FGF14: variants seen among roughly 807,000 people sequenced by gnomAD.
FGF14 encodes fibroblast growth factor 14.
FGF14 carries 5 observed loss-of-function variants against 25.5 expected under a neutral mutation model. The observed-to-expected ratio is 0.20, with a 90% CI of 0.10 to 0.41. The LOEUF is 0.41. Among genes scored for constraint, FGF14 ranks in the 10% least tolerant of loss-of-function variants. The pLI, the probability that FGF14 is intolerant of heterozygous loss-of-function variation, is 1.00. For synonymous variants in FGF14, 138 were observed against 118.3 expected (o/e 1.17, Z -1.08); for missense variants, 222 against 320.1 (o/e 0.69, Z 2.34).
rs75694572 is a variant in FGF14 at position 102,084,544 on chromosome 13, C to T, written c.209-209248G>A. Among the ~76,000 whole-genome samples the T allele has an allele frequency of 1.3e-4, 20 of 152,152 alleles. No homozygotes were observed. The East Asian group carries it at 1.7e-3, about 13-fold the overall frequency. ...GTGAACTACTCATTAAAATGATTAGCGTTATCTGCTAATCATTTCAGGACA... is the reference window on the plus strand; with the variant it reads ...GTGAACTACTCATTAAAATGATTAGTGTTATCTGCTAATCATTTCAGGACA... On this transcript the variant is annotated intron_variant, in intron 1 of 4. Coordinates refer to the FGF14 transcript ENST00000376131.
intron 1 of FGF14, among the ~76,000 whole-genome samples, chr13:102,025,919 T>G (rs1403528071): frequency 1.3e-5 from 2 of 152,056 alleles, no homozygotes. Flanking sequence ...TGAATTCTTT[T>G]GCATTATCTA....
chr13:102,001,608 T>A (rs771228072), intron 1 of FGF14, among the ~76,000 whole-genome samples: 14 of 152,282 alleles, frequency 9.2e-5, no homozygotes, highest in Admixed American at 1.3e-4. Context: ...GGAATATAGA[T>A]AAAGAGATAT....
At chr13:102,292,006 C>T (rs551208285) in intron 1 of FGF14, among the ~76,000 whole-genome samples, 1 of 152,152 alleles carries the variant, frequency 6.6e-6, no homozygotes, top group African/African-American at 2.4e-5. Context: ...AATGCTGACT[C>T]CACAGTTATC....
chr13:102,090,742 C>A (rs2140242060), intron 1 of FGF14, among the ~76,000 whole-genome samples: 1 of 152,300 alleles, frequency 6.6e-6, no homozygotes, highest in South Asian at 2.1e-4. Context: ...TAATGCCTGT[C>A]CATTCCAAAA....
chr13:102,065,943 T>C (rs962048932), intron 1 of FGF14, among the ~76,000 whole-genome samples: 4 of 152,110 alleles, frequency 2.6e-5, no homozygotes, highest in African/African-American at 7.2e-5. Flanking sequence ...TATATTCTAG[T>C]AAAAGCATAT....
At chr13:101,896,426 C>G (rs938768823) in intron 1 of FGF14, among the ~76,000 whole-genome samples, 1 of 152,118 alleles carries the variant, frequency 6.6e-6, no homozygotes, top group African/African-American at 2.4e-5. Flanking sequence ...GCTATTAGAT[C>G]ACTCCTCAGC....
intron 3 of FGF14, among the ~76,000 whole-genome samples, chr13:101,745,034 C>T (rs935888510): frequency 6.6e-6 from 1 of 151,994 alleles, no homozygotes; most frequent in Non-Finnish European, 1.5e-5. Context: ...TCATATGCCG[C>T]TCCTGATTCT....
At chr13:102,043,759 T>C (rs942769646) in intron 1 of FGF14, among the ~76,000 whole-genome samples, 3 of 152,184 alleles carry the variant, frequency 2.0e-5, no homozygotes, top group Non-Finnish European at 2.9e-5. Context: ...GGTTCCAGCA[T>C]TTATCTTGTT....
chr13:102,171,264 G>A (rs533760972), intron 1 of FGF14, among the ~76,000 whole-genome samples: 1 of 152,262 alleles, frequency 6.6e-6, no homozygotes, highest in Non-Finnish European at 1.5e-5. Context: ...TGTCAGCTGT[G>A]AGAAAGACAC....
chr13:102,051,287 G>A (rs1269053474), intron 1 of FGF14, among the ~76,000 whole-genome samples: 1 of 152,100 alleles, frequency 6.6e-6, no homozygotes, highest in Non-Finnish European at 1.5e-5. Flanking sequence ...ATCTCTTTCT[G>A]CTCCACAAGT....
At chr13:102,150,571 A>G (rs1310231746) in intron 1 of FGF14, among the ~76,000 whole-genome samples, 2 of 152,164 alleles carry the variant, frequency 1.3e-5, no homozygotes, top group Non-Finnish European at 2.9e-5. Flanking sequence ...TCCTTTAAAC[A>G]TGACAAGCCA....
chr13:101,897,844 G>A (rs1175173296), intron 1 of FGF14, among the ~76,000 whole-genome samples: 1 of 152,050 alleles, frequency 6.6e-6, no homozygotes, highest in Non-Finnish European at 1.5e-5. Context: ...GATGTTCAAT[G>A]GTTATGCTCA....
At chr13:101,901,826 A>G (rs2031593284) in intron 1 of FGF14, among the ~76,000 whole-genome samples, 1 of 152,168 alleles carries the variant, frequency 6.6e-6, no homozygotes, top group African/African-American at 2.4e-5. Context: ...CCCAGGAAAA[A>G]TTACTTAACA....
chr13:102,271,775 C>G (rs753461811), intron 1 of FGF14, among the ~76,000 whole-genome samples: 2 of 152,264 alleles, frequency 1.3e-5, no homozygotes, highest in Middle Eastern at 3.4e-3. Context: ...AAGTAGACAG[C>G]ATGGCACAAA....
chr13:102,054,588 T>C (rs1202441192), intron 1 of FGF14, among the ~76,000 whole-genome samples: 1 of 152,204 alleles, frequency 6.6e-6, no homozygotes, highest in Non-Finnish European at 1.5e-5. Flanking sequence ...GTTTGGACTT[T>C]CCCTGGGTTT....
rs2038453201 is a variant in FGF14 at position 101,984,516 on chromosome 13, T to A, written c.209-109220A>T. Reference sequence around the variant, plus strand: ...TTCATGTATAAGTGAATAAAATATATTTTACTAAAACTCATTTCCAACTGT... The same window carrying A: ...TTCATGTATAAGTGAATAAAATATAATTTACTAAAACTCATTTCCAACTGT... On this transcript the variant is annotated intron_variant, in intron 1 of 4. Coordinates refer to the FGF14 transcript ENST00000376131. Among the ~76,000 whole-genome samples the A allele has an allele frequency of 3.9e-5, 6 of 152,168 alleles. No individual in the cohort carries two copies. In the South Asian group the frequency reaches 1.2e-3, roughly 32 times the overall value.
intron 3 of FGF14, among the ~76,000 whole-genome samples, chr13:101,783,528 T>A (rs2039637210): frequency 6.6e-6 from 1 of 152,162 alleles, no homozygotes. Flanking sequence ...CGTTGAGGTT[T>A]TTTTTTGGTA....
chr13:101,711,055 T>C lies in FGF14; in HGVS notation c.*11776A>G, dbSNP rs150649374. ...GTGCCTTGCCCTTAGACTCAAATTG[T>C]TTTTGTGAATAACCAAGAGAGATGA... On this transcript the variant is annotated 3_prime_UTR_variant, in exon 5 of 5. Transcript: ENST00000376143. 3.9e-5 allele frequency: 6 copies of C among 152,254 alleles called. 1 individual carries two copies. The East Asian group carries it at 1.2e-3, about 29-fold the overall frequency. The allele number at this position is 152,254 out of a possible 1,614,324, so 9.4% of individuals were successfully genotyped here.
At chr13:102,023,011 G>C (rs1348113505) in intron 1 of FGF14, among the ~76,000 whole-genome samples, 1 of 148,786 alleles carries the variant, frequency 6.7e-6, no homozygotes, top group African/African-American at 2.5e-5. Context: ...AGTCAATTAG[G>C]AAAACTGTAC....
Sources: allele counts gnomAD v4.1 joint callset (sites outside exome capture counted in the v4.1 genomes callset), GRCh38; gene constraint gnomAD v4.1.1; transcripts MANE v1.5; gene names NCBI Gene and HGNC (gene_info 2026-07-23, HGNC 2026-07-21).